GALC: variants seen among roughly 807,000 people sequenced by gnomAD.
The protein encoded by GALC is galactosylceramidase.
A neutral mutation model predicts 91.8 loss-of-function variants in GALC; 77 were observed. The observed-to-expected ratio is 0.84, with a 90% CI of 0.70 to 1.01. The LOEUF (loss-of-function observed/expected upper bound fraction) is 1.01, where lower values mean the gene tolerates loss of function less well. Among genes scored for constraint, GALC ranks in the 50% least tolerant of loss-of-function variants. GALC has a pLI of 0.00. For synonymous variants in GALC, 357 were observed against 306.7 expected, an observed-to-expected ratio of 1.16 and a Z score of -1.71; for missense variants, 882 against 855.9, an observed-to-expected ratio of 1.03 and a Z score of -0.38.
intron 14 of GALC, among the ~76,000 whole-genome samples, chr14:87,944,006 T>C (rs1884967909): frequency 6.6e-6 from 1 of 151,956 alleles, no homozygotes; most frequent in Non-Finnish European, 1.5e-5. Flanking sequence ...CAGGCCTTTC[T>C]TGACACGCAA....
chr14:87,954,110 G>T, intron 10 of GALC: 1 of 1,609,518 alleles, frequency 6.2e-7, no homozygotes, highest in Non-Finnish European at 8.5e-7. Context: ...CATCTATTCA[G>T]CCTGAAGAAT....
chr14:87,963,154 C>A (rs866700782), intron 10 of GALC: 1 of 483,960 alleles, frequency 2.1e-6, no homozygotes, highest in Non-Finnish European at 3.7e-6. Context: ...ATCCCAACTG[C>A]CAGGAACAAA....
Position 87,949,913 on chromosome 14 carries a change from GTAGCTC to G in GALC, c.1264_1269del (p.Glu422_Leu423del). On this transcript the variant is annotated inframe_deletion, in exon 12 of 17. Transcript: ENST00000261304. ...TTTCCAAGTTTGGTATACCATACCT[GTAGCTC>G]TGGTATTTCACTCTGTAAAGAAAAG... is the stretch of plus-strand genomic sequence containing the variant. 6.4e-7 allele frequency: 1 copy of G among 1,570,186 alleles called. No homozygotes were observed. The highest frequency in any genetic ancestry group is 1.1e-5 in the South Asian group (1 of 90,182).
intron 12 of GALC, among the ~76,000 whole-genome samples, chr14:87,949,455 C>T (rs756920966): frequency 5.3e-5 from 8 of 151,866 alleles, no homozygotes; most frequent in Non-Finnish European, 1.2e-4. Context: ...TGATGGGTGA[C>T]CTGGAAAGTC....
At chr14:87,957,859 G>A (rs1305102304) in intron 10 of GALC, among the ~76,000 whole-genome samples, 1 of 152,098 alleles carries the variant, frequency 6.6e-6, no homozygotes, top group African/African-American at 2.4e-5. Flanking sequence ...AATAATAGAT[G>A]ATGCAAACAC....
intron 10 of GALC, among the ~76,000 whole-genome samples, chr14:87,961,923 G>A (rs406458): frequency 7.6e-4 from 115 of 152,236 alleles, no homozygotes; most frequent in Middle Eastern, 3.4e-3. Flanking sequence ...ATGCAGATTC[G>A]CAGAAGAAAA....
chr14:87,956,999 A>T (rs1038162155), intron 10 of GALC, among the ~76,000 whole-genome samples: 1 of 151,774 alleles, frequency 6.6e-6, no homozygotes, highest in Non-Finnish European at 1.5e-5. Flanking sequence ...TCTAATTTGC[A>T]TTTCTCTGAT....
chr14:87,985,411 T>C (rs1886927059), intron 4 of GALC, among the ~76,000 whole-genome samples: 3 of 152,184 alleles, frequency 2.0e-5, no homozygotes, highest in Admixed American at 6.5e-5. Context: ...AAATGCTAAA[T>C]GCAATCTGAA....
At chr14:87,954,371 C>A (rs1161779798) in intron 10 of GALC, 12 of 1,601,558 alleles carry the variant, frequency 7.5e-6, no homozygotes, top group Non-Finnish European at 1.0e-5. Context: ...AACAGTGGAA[C>A]AGGCCCAAGA....
chr14:87,953,575 G>A, intron 10 of GALC: 2 of 1,609,572 alleles, frequency 1.2e-6, no homozygotes, highest in Non-Finnish European at 1.7e-6. Context: ...GTGTAGCTCA[G>A]GAATACTGTG....
At chr14:87,949,353 T>C (rs925724269) in intron 12 of GALC, among the ~76,000 whole-genome samples, 3 of 151,994 alleles carry the variant, frequency 2.0e-5, no homozygotes, top group African/African-American at 7.2e-5. Context: ...CTAAGGAATG[T>C]TAACTTCTAA....
intron 6 of GALC, chr14:87,980,601 C>A: frequency 1.8e-6 from 1 of 558,150 alleles, no homozygotes; most frequent in South Asian, 8.4e-5. Context: ...TTACACATCA[C>A]CTCCTCTAAA....
At chr14:87,970,208 T>C (rs1366374482) in intron 7 of GALC, among the ~76,000 whole-genome samples, 1 of 152,194 alleles carries the variant, frequency 6.6e-6, no homozygotes, top group Admixed American at 6.5e-5. Flanking sequence ...CTAGTTGTCA[T>C]CCAGTTGTCT....
At chr14:87,945,931 T>C (rs1010196959) in intron 13 of GALC, among the ~76,000 whole-genome samples, 198 bp from the exon 14 acceptor site, 19 of 152,082 alleles carry the variant, frequency 1.2e-4, no homozygotes, top group Non-Finnish European at 2.4e-4. Flanking sequence ...AGATGATGAG[T>C]TCGACATATA....
At chr14:87,950,575 G>A (rs1885260584) in intron 11 of GALC, 84 bp downstream of exon 11, 1 of 826,638 alleles carries the variant, frequency 1.2e-6, no homozygotes, top group South Asian at 1.5e-5. Context: ...ATAATATAAG[G>A]CTTCACTTAA....
rs558332129 is a variant in GALC, at chr14:87,950,082, A to T, written c.1252-151T>A. 3.1e-3 allele frequency: 1,541 copies of T among 504,624 alleles called. 9 individuals carry two copies. The highest frequency in any genetic ancestry group is 3.5e-3 in the Non-Finnish European group (1,006 of 287,822). 31.3% of individuals were successfully genotyped at this position (504,624 alleles called of 1,614,324 possible). A position where few individuals can be genotyped will look rare whatever the true frequency, so the allele number is the denominator to read the frequency against. ...TCAAATATTAAATAATAATATTTTT[A>T]AAAATAGGAAAACACTGTTCAAGCA... On this transcript the variant is annotated intron_variant, in intron 11 of 16. Transcript: ENST00000261304.
chr14:87,987,073 T>C (rs564383981), intron 3 of GALC: 5 of 451,632 alleles, frequency 1.1e-5, no homozygotes, highest in Non-Finnish European at 2.2e-5. Flanking sequence ...ATAGGAAGAG[T>C]TTTGAGGAAA....
intron 16 of GALC, among the ~76,000 whole-genome samples, chr14:87,935,255 A>T (rs1023414917): frequency 2.6e-5 from 4 of 152,250 alleles, no homozygotes; most frequent in Non-Finnish European, 5.9e-5. Context: ...TGGTGTGGCT[A>T]ACAGCCACCA....
chr14:87,969,170 G>T (rs1287889854), intron 7 of GALC, among the ~76,000 whole-genome samples: 3 of 152,142 alleles, frequency 2.0e-5, no homozygotes, highest in Non-Finnish European at 4.4e-5. Context: ...GGGAATATTT[G>T]GCACTATCTG....
Sources: allele counts gnomAD v4.1 joint callset (sites outside exome capture counted in the v4.1 genomes callset), GRCh38; gene constraint gnomAD v4.1.1; transcripts MANE v1.5; gene names NCBI Gene and HGNC (gene_info 2026-07-23, HGNC 2026-07-21).